RBMS1: variants seen among roughly 807,000 people sequenced by gnomAD.
RBMS1 encodes the protein RNA-binding motif, single-stranded-interacting protein 1.
RBMS1 carries 17 observed loss-of-function variants against 62.3 expected under a neutral mutation model. The ratio of observed to expected loss-of-function variants is 0.27; its 90% CI spans 0.19 to 0.41. The LOEUF (loss-of-function observed/expected upper bound fraction) is 0.41. Among genes scored for constraint, RBMS1 ranks in the 10% least tolerant of loss-of-function variants. The probability of loss-of-function intolerance (pLI) is 1.00; values close to 1 mark genes in which losing one functional copy is unlikely to be tolerated. For missense variants in RBMS1, 334 were observed against 504.5 expected (o/e 0.66, Z 3.24); for synonymous variants, 172 against 170.0 (o/e 1.01, Z -0.09).
intron 2 of RBMS1, among the ~76,000 whole-genome samples, chr2:160,339,356 G>A (rs1337287739): frequency 6.6e-6 from 1 of 152,000 alleles, no homozygotes; most frequent in African/African-American, 2.4e-5. Flanking sequence ...TAAAATTCCA[G>A]GAAAAAAATA....
intron 2 of RBMS1, among the ~76,000 whole-genome samples, chr2:160,351,118 C>T (rs1471605778): frequency 6.8e-6 from 1 of 147,390 alleles, no homozygotes; most frequent in African/African-American, 2.5e-5. Context: ...TAGGTGGGAA[C>T]TGAACAATGA....
At chr2:160,466,903 C>T (rs1293244926) in intron 1 of RBMS1, among the ~76,000 whole-genome samples, 1 of 152,140 alleles carries the variant, frequency 6.6e-6, no homozygotes, top group African/African-American at 2.4e-5. Context: ...ACCCCAGCCT[C>T]CTCTTATGTA....
chr2:160,440,128 C>G (rs535397985), intron 1 of RBMS1, among the ~76,000 whole-genome samples: 1 of 39,908 alleles, frequency 2.5e-5, no homozygotes, highest in African/African-American at 6.4e-5. Context: ...TCTTTTTTTC[C>G]CTGAGACAGA....
chr2:160,482,542 T>A (rs1284951324), intron 1 of RBMS1, among the ~76,000 whole-genome samples: 1 of 152,250 alleles, frequency 6.6e-6, no homozygotes, highest in Non-Finnish European at 1.5e-5. Flanking sequence ...TTAATTAAAC[T>A]GACCAGGTAT....
chr2:160,330,969 G>C (rs1209699686), intron 2 of RBMS1, among the ~76,000 whole-genome samples: 1 of 152,166 alleles, frequency 6.6e-6, no homozygotes, highest in Admixed American at 6.5e-5. Flanking sequence ...TGGGGAGAAG[G>C]CTGCGTGAAA....
chr2:160,369,470 T>C (rs1315428489), intron 1 of RBMS1, among the ~76,000 whole-genome samples: 1 of 152,202 alleles, frequency 6.6e-6, no homozygotes, highest in East Asian at 1.9e-4. Context: ...CCCACACACC[T>C]GCCTCCTGTC....
rs1252861710 is a variant in RBMS1 at position 160,311,228 on chromosome 2, C to CTATATATCTATATATCTA, written c.402+1927_402+1928insTAGATATATAGATATATA. Among the ~76,000 whole-genome samples the CTATATATCTATATATCTA allele has an allele frequency of 5.2e-5, 5 of 95,926 alleles. No individual in the cohort carries two copies. In the East Asian group the frequency reaches 1.1e-3, roughly 21 times the overall value. 62.9% of individuals were successfully genotyped at this position (95,926 alleles called of 152,430 possible). On this transcript the variant is annotated intron_variant, in intron 4 of 13. Transcript: ENST00000348849. ...AAAAAAAATCTATCTATCTATCTAT[C>CTATATATCTATATATCTA]TATCTATATATATATATATATATAT... is the stretch of plus-strand genomic sequence containing the variant.
At chr2:160,404,319 A>T (rs531923107) in intron 1 of RBMS1, among the ~76,000 whole-genome samples, 1 of 152,260 alleles carries the variant, frequency 6.6e-6, no homozygotes, top group African/African-American at 2.4e-5. Flanking sequence ...CCCTAGCTAC[A>T]CTACGTGGGG....
chr2:160,293,199 G>A (rs1688767617), intron 6 of RBMS1, among the ~76,000 whole-genome samples: 1 of 152,136 alleles, frequency 6.6e-6, no homozygotes, highest in Admixed American at 6.5e-5. Flanking sequence ...GAACAAAATG[G>A]GCAATAAAAA....
At chr2:160,362,181 T>A (rs1428824885) in intron 2 of RBMS1, among the ~76,000 whole-genome samples, 2 of 152,320 alleles carry the variant, frequency 1.3e-5, no homozygotes, top group East Asian at 1.9e-4. Context: ...GGTGGTTTGA[T>A]CTCCTATTCA....
chr2:160,444,212 G>T (rs4664328), intron 1 of RBMS1, among the ~76,000 whole-genome samples: 151,945 of 152,318 alleles, frequency 1, 75,787 homozygotes, highest in Non-Finnish European at 1. Flanking sequence ...AAAATACATT[G>T]TATAAAATAA....
intron 1 of RBMS1, chr2:160,407,406 C>G: frequency 1.0e-6 from 1 of 985,872 alleles, no homozygotes; most frequent in South Asian, 4.7e-5. Context: ...CTGAGCGCGG[C>G]CCCCTTTGTA....
chr2:160,441,895 A>G (rs1179712967), intron 1 of RBMS1, among the ~76,000 whole-genome samples: 1 of 152,070 alleles, frequency 6.6e-6, no homozygotes, highest in East Asian at 1.9e-4. Context: ...TATAATTTGC[A>G]TTTTCCCTGA....
At chr2:160,354,215 C>T (rs1041549430) in intron 2 of RBMS1, among the ~76,000 whole-genome samples, 1 of 151,976 alleles carries the variant, frequency 6.6e-6, no homozygotes, top group Non-Finnish European at 1.5e-5. Flanking sequence ...GAAAAAAGTT[C>T]AATAAACTTT....
intron 6 of RBMS1, among the ~76,000 whole-genome samples, chr2:160,299,168 GGA>G (rs1360753902): frequency 6.6e-6 from 1 of 152,016 alleles, no homozygotes; most frequent in Non-Finnish European, 1.5e-5. Flanking sequence ...ATGTCAGATT[GGA>G]GAGAGTGATG....
intron 2 of RBMS1, among the ~76,000 whole-genome samples, chr2:160,336,203 G>A (rs1691559183): frequency 6.6e-6 from 1 of 152,174 alleles, no homozygotes; most frequent in Admixed American, 6.5e-5. Flanking sequence ...TATACCCAGA[G>A]TGCAGTTTGG....
chr2:160,357,594 C>T (rs1181470366), intron 2 of RBMS1, among the ~76,000 whole-genome samples: 3 of 152,232 alleles, frequency 2.0e-5, no homozygotes, highest in Admixed American at 6.5e-5. Flanking sequence ...AATTCCCTGA[C>T]GTGCAGTTAT....
At chr2:160,276,112 A>C (rs1687819295) in intron 12 of RBMS1, among the ~76,000 whole-genome samples, 1 of 152,162 alleles carries the variant, frequency 6.6e-6, no homozygotes, top group Non-Finnish European at 1.5e-5. Flanking sequence ...AAACATATTA[A>C]TAGTTCTACA....
chr2:160,313,445 G>C (rs10929978), intron 3 of RBMS1, among the ~76,000 whole-genome samples, 198 bp from the exon 4 acceptor site: 113,097 of 151,880 alleles, frequency 0.74, 42,917 homozygotes, highest in East Asian at 0.83. Context: ...AGACAAGCCT[G>C]CCTTCAGAGG....
Sources: allele counts gnomAD v4.1 joint callset (sites outside exome capture counted in the v4.1 genomes callset), GRCh38; gene constraint gnomAD v4.1.1; transcripts MANE v1.5; gene names NCBI Gene and HGNC (gene_info 2026-07-23, HGNC 2026-07-21).